The following SKAP1 variants were observed in gnomAD, a reference collection of about 807,000 sequenced individuals.
The protein encoded by SKAP1 is src kinase-associated phosphoprotein 1.
A neutral mutation model predicts 58.5 loss-of-function variants in SKAP1; 44 were observed. The observed-to-expected ratio is 0.75, with a 90% CI of 0.59 to 0.97. The LOEUF is 0.97. Among genes scored for constraint, SKAP1 ranks in the 50% least tolerant of loss-of-function variants. SKAP1 has a pLI of 0.00. For missense variants in SKAP1, 390 were observed against 435.2 expected (o/e 0.90, Z 0.92); for synonymous variants, 127 against 149.7 (o/e 0.85, Z 1.11).
intron 2 of SKAP1, among the ~76,000 whole-genome samples, chr17:48,368,631 T>G (rs16955960): frequency 0.081 from 12,352 of 152,198 alleles, 645 homozygotes; most frequent in East Asian, 0.2. Context: ...ATACTCAATA[T>G]CATCAGGACG....
chr17:48,439,298 T>C, the SKAP1 span, among the ~76,000 whole-genome samples: 9 of 152,358 alleles, frequency 5.9e-5, no homozygotes, highest in Middle Eastern at 3.4e-3. Flanking sequence ...CAAAGCCTGT[T>C]GCATCACATC....
At chr17:48,312,864 T>C (rs1256259390) in intron 4 of SKAP1, among the ~76,000 whole-genome samples, 6 of 152,168 alleles carry the variant, frequency 3.9e-5, no homozygotes, top group Non-Finnish European at 8.8e-5. Context: ...ATATGATATC[T>C]TGGAGGTGGG....
intron 4 of SKAP1, among the ~76,000 whole-genome samples, chr17:48,234,609 T>C (rs141650344): frequency 3.4e-4 from 52 of 152,266 alleles, no homozygotes; most frequent in Admixed American, 3.2e-3. Flanking sequence ...TCAGATGCAA[T>C]CCAACCCTGG....
intron 4 of SKAP1, among the ~76,000 whole-genome samples, chr17:48,334,452 T>C (rs989322162): frequency 1.3e-5 from 2 of 151,878 alleles, no homozygotes; most frequent in Admixed American, 6.6e-5. Context: ...ACCAAAGCAA[T>C]TGAAATATGC....
At chr17:48,278,102 G>A (rs1174942514) in intron 4 of SKAP1, among the ~76,000 whole-genome samples, 1 of 152,086 alleles carries the variant, frequency 6.6e-6, no homozygotes, top group Non-Finnish European at 1.5e-5. Flanking sequence ...TATCCTTCCA[G>A]ACATAATATA....
intron 4 of SKAP1, among the ~76,000 whole-genome samples, chr17:48,270,385 T>G (rs1268562866): frequency 6.6e-6 from 1 of 152,060 alleles, no homozygotes; most frequent in African/African-American, 2.4e-5. Flanking sequence ...GCTCTGTCAC[T>G]GAGGCTGGAG....
chr17:48,162,621 G>T, intron 10 of SKAP1, 52 bp from the exon 11 acceptor site: 1 of 1,451,692 alleles, frequency 6.9e-7, no homozygotes, highest in Non-Finnish European at 9.6e-7. Context: ...TTTTTCCGAG[G>T]TACCCATGTT....
In SKAP1 at chr17:48,180,188, G is replaced by A; in HGVS notation, c.692C>T (p.Thr231Ile). ...GTCAAAACCATCAATATCATCATAT[G>A]TCTCTTCTTTTTCTTCTTCCTCCTC... ...EDEEEEEKEETYDDIDGFDSP... is the reference protein window; with the variant it reads ...EDEEEEEKEEIYDDIDGFDSP... The change falls in exon 9 of 13, where the codon ACA becomes ATA. Residue 231 changes from threonine (T) to isoleucine (I), a missense_variant. Thr to Ile is a moderately conservative substitution (Grantham distance 89, BLOSUM62 -1). Coordinates refer to ENST00000336915, the MANE Select transcript of SKAP1 (RefSeq NM_003726.4). 6.2e-7 allele frequency: 1 copy of A among 1,613,418 alleles called. No homozygotes were observed. Among genetic ancestry groups the A allele is most frequent in the South Asian group, 1.1e-5 (1 of 91,010 alleles).
intron 3 of SKAP1, among the ~76,000 whole-genome samples, chr17:48,361,071 G>GTACTATACTA (rs67180445): frequency 0.073 from 10,566 of 145,390 alleles, 418 homozygotes; most frequent in East Asian, 0.1. Flanking sequence ...AACTTGTACT[G>GTACTATACTA]TACTATACTA....
At chr17:48,215,435 G>C (rs1028417154) in intron 4 of SKAP1, among the ~76,000 whole-genome samples, 9 of 152,144 alleles carry the variant, frequency 5.9e-5, no homozygotes, top group Non-Finnish European at 1.0e-4. Context: ...CAATTGATTT[G>C]GAATTCCCCA....
At chr17:48,419,378 G>A (rs943887837) in intron 1 of SKAP1, among the ~76,000 whole-genome samples, 7 of 151,760 alleles carry the variant, frequency 4.6e-5, no homozygotes, top group Admixed American at 1.3e-4. Flanking sequence ...TCCAACTCCC[G>A]GGTTCAAGCA....
intron 4 of SKAP1, among the ~76,000 whole-genome samples, chr17:48,254,830 A>C (rs971548223): frequency 6.6e-6 from 1 of 152,048 alleles, no homozygotes; most frequent in Non-Finnish European, 1.5e-5. Flanking sequence ...ATAAGGATGT[A>C]AACTTCAATA....
the SKAP1 span, among the ~76,000 whole-genome samples, chr17:48,440,317 C>T: frequency 2.0e-5 from 3 of 152,202 alleles, no homozygotes; most frequent in African/African-American, 7.2e-5. Flanking sequence ...CAGGGCAGCT[C>T]TACATATGGC....
At chr17:48,279,603 G>A (rs1016393986) in intron 4 of SKAP1, among the ~76,000 whole-genome samples, 2 of 152,120 alleles carry the variant, frequency 1.3e-5, no homozygotes, top group Non-Finnish European at 2.9e-5. Flanking sequence ...GGAAAAAAAT[G>A]AATTTTTTTC....
intron 4 of SKAP1, among the ~76,000 whole-genome samples, chr17:48,233,852 T>A (rs1363428490): frequency 6.6e-6 from 1 of 152,034 alleles, no homozygotes; most frequent in East Asian, 1.9e-4. Context: ...CAAGACTGTG[T>A]CTTGAGAAAA....
At chr17:48,153,572 G>A (rs60525548) in intron 11 of SKAP1, among the ~76,000 whole-genome samples, 2,968 of 152,076 alleles carry the variant, frequency 0.02, 107 homozygotes, top group African/African-American at 0.068. Flanking sequence ...ACATGAAATG[G>A]GGTGGTGGGG....
intron 4 of SKAP1, among the ~76,000 whole-genome samples, chr17:48,245,783 C>A (rs928846975): frequency 6.6e-5 from 10 of 152,182 alleles, no homozygotes; most frequent in African/African-American, 2.4e-4. Flanking sequence ...CGAGACCAGC[C>A]TGGCCAACAG....
At chr17:48,190,998 C>CA (rs896698738) in intron 4 of SKAP1, among the ~76,000 whole-genome samples, 22 of 151,726 alleles carry the variant, frequency 1.4e-4, no homozygotes, top group Non-Finnish European at 2.4e-4. Context: ...ACAAAACAAA[C>CA]AAAAAAAAGT....
intron 1 of SKAP1, among the ~76,000 whole-genome samples, chr17:48,400,903 T>C (rs762248688): frequency 7.9e-5 from 12 of 152,220 alleles, no homozygotes; most frequent in Non-Finnish European, 1.8e-4. Context: ...AAAGCTTTTA[T>C]GTAACCCCTA....
Sources: allele counts gnomAD v4.1 joint callset (sites outside exome capture counted in the v4.1 genomes callset), GRCh38; gene constraint gnomAD v4.1.1; transcripts MANE v1.5; gene names NCBI Gene and HGNC (gene_info 2026-07-23, HGNC 2026-07-21).